The following SYNE2 variants were observed in gnomAD, a reference collection of about 807,000 sequenced individuals.
SYNE2 encodes the protein spectrin repeat containing nuclear envelope protein 2.
A neutral mutation model predicts 856.3 loss-of-function variants in SYNE2; 431 were observed. That is an observed-to-expected ratio of 0.50 (90% CI 0.47 to 0.55). SYNE2 has a LOEUF of 0.55. SYNE2 is among the 20% of genes least tolerant of loss of function. The pLI is 0.00. For synonymous variants in SYNE2, 2,923 were observed against 2,872.3 expected, an observed-to-expected ratio of 1.02 and a Z score of -0.56; for missense variants, 8,129 against 8,023.2, an observed-to-expected ratio of 1.01 and a Z score of -0.50.
intron 43 of SYNE2, 149 bp from the exon 44 acceptor site, chr14:64,029,746 C>A: frequency 1.0e-6 from 1 of 980,294 alleles, no homozygotes; most frequent in Non-Finnish European, 1.5e-6. Context: ...ATATCTCCAA[C>A]TCTAAAATCT....
chr14:64,078,758 T>G, intron 55 of SYNE2, 152 bp downstream of exon 55: 1 of 981,586 alleles, frequency 1.0e-6, no homozygotes, highest in East Asian at 2.5e-5. Context: ...AGAGGCTTGA[T>G]AGGGAAAGTT....
chr14:63,788,565 C>CT (rs1887624570), intron 1 of SYNE2, among the ~76,000 whole-genome samples: 2 of 152,278 alleles, frequency 1.3e-5, no homozygotes, highest in South Asian at 4.1e-4. Flanking sequence ...CTGCCTGCTC[C>CT]ATGGAGCAGG....
intron 54 of SYNE2, 32 bp from the exon 55 acceptor site, chr14:64,078,434 C>G (rs773012579): frequency 1.2e-6 from 2 of 1,611,974 alleles, no homozygotes; most frequent in African/African-American, 2.7e-5. Context: ...GACAACCTCT[C>G]TAAGCCAAAT....
At position 64,003,303 on chromosome 14, in the gene SYNE2, A is replaced by G; in HGVS notation, c.4370A>G (p.Asp1457Gly). The G allele has an allele frequency of 6.2e-7, 1 of 1,614,126 alleles. No homozygotes were observed. The highest frequency in any genetic ancestry group is 8.5e-7 in the Non-Finnish European group (1 of 1,180,018). The change falls in exon 30 of 116, where the codon GAT (aspartate) becomes GGT (glycine). Residue 1457 changes from aspartate (D) to glycine (G), a missense_variant. By Grantham distance (94) the Asp-to-Gly change is moderately conservative (BLOSUM62 -1). Transcript: ENST00000555002. ...CAAATCAGTAAAATTGGTCTTAAGGATCCTACTGTTCCAGCTGTGAAACAT... is the reference window on the plus strand; with the variant it reads ...CAAATCAGTAAAATTGGTCTTAAGGGTCCTACTGTTCCAGCTGTGAAACAT... ...QSQISKIGLK[D>G]PTVPAVKHRK...
At chr14:64,207,262 G>A (rs1429567750) in intron 100 of SYNE2, among the ~76,000 whole-genome samples, 1 of 152,180 alleles carries the variant, frequency 6.6e-6, no homozygotes, top group Non-Finnish European at 1.5e-5. Flanking sequence ...TCGGAATTGT[G>A]TATTTATATG....
At chr14:64,045,000 G>C (rs1409945066) in intron 45 of SYNE2, among the ~76,000 whole-genome samples, 1 of 152,096 alleles carries the variant, frequency 6.6e-6, no homozygotes, top group Non-Finnish European at 1.5e-5. Context: ...TGAATGTGCA[G>C]AGTAAAAATA....
At chr14:63,856,889 G>A (rs1310559288) in intron 1 of SYNE2, among the ~76,000 whole-genome samples, 4 of 151,626 alleles carry the variant, frequency 2.6e-5, no homozygotes, top group Non-Finnish European at 5.9e-5. Flanking sequence ...CTCCCACCCC[G>A]GCCTCCCAAG....
At chr14:64,014,932 TATATATATA>T (rs2096876775) in intron 32 of SYNE2, among the ~76,000 whole-genome samples, 2 of 1,058 alleles carry the variant, frequency 1.9e-3, no homozygotes, top group Non-Finnish European at 6.4e-3. Context: ...TAATTCCTTA[TATATATATA>T]TATATATATA....
At chr14:63,904,509 A>C (rs112503083) in intron 1 of SYNE2, among the ~76,000 whole-genome samples, 12 of 151,314 alleles carry the variant, frequency 7.9e-5, no homozygotes, top group Admixed American at 6.6e-5. Flanking sequence ...AGTAGTAGCC[A>C]TTCTGACTGG....
At chr14:63,826,350 A>G (rs1184618099) in intron 1 of SYNE2, among the ~76,000 whole-genome samples, 10 of 152,106 alleles carry the variant, frequency 6.6e-5, no homozygotes, top group Non-Finnish European at 1.5e-5. Flanking sequence ...GCCAGTCAGG[A>G]GTTGAGTGGC....
intron 97 of SYNE2, among the ~76,000 whole-genome samples, chr14:64,187,078 A>T (rs1269735548): frequency 1.3e-5 from 2 of 152,226 alleles, no homozygotes; most frequent in Non-Finnish European, 2.9e-5. Context: ...TGTAAGAGAA[A>T]TGATCAACTG....
rs186326319 is a variant in SYNE2 at position 63,930,587 on chromosome 14, G to A, written c.80-10027G>A. On this transcript the variant is annotated intron_variant, in intron 2 of 115. Transcript: ENST00000555002. ...CCTGCTCTCCTGCCCAGGCTGGAGC[G>A]TAGTGGTGCAATCATAGCTCACTGC... 4.0e-5 allele frequency among the ~76,000 whole-genome samples: 6 copies of A among 149,164 alleles called. No individual in the cohort carries two copies. In the East Asian group the frequency reaches 7.9e-4, roughly 20 times the overall value.
At chr14:64,076,933 AAC>A (rs1435935559) in intron 54 of SYNE2, among the ~76,000 whole-genome samples, 1 of 152,272 alleles carries the variant, frequency 6.6e-6, no homozygotes, top group South Asian at 2.1e-4. Context: ...TTTTTTAGTT[AAC>A]ACACAAGAAA....
intron 57 of SYNE2, among the ~76,000 whole-genome samples, chr14:64,082,373 AC>A (rs1165417239): frequency 6.6e-6 from 1 of 152,134 alleles, no homozygotes; most frequent in Admixed American, 6.5e-5. Context: ...TATAATACTT[AC>A]ATTCCAAAAT....
Position 64,225,357 on chromosome 14 carries a change from C to T in SYNE2, c.20555C>T (p.Ser6852Leu), listed in dbSNP as rs763200196. 2.4e-5 allele frequency: 39 copies of T among 1,614,182 alleles called. No individual in the cohort carries two copies. The highest frequency in any genetic ancestry group is 3.1e-5 in the Non-Finnish European group (36 of 1,180,032). The change falls in exon 116 of 116, where the codon TCA becomes TTA. Residue 6852 changes from serine (S) to leucine (L), a missense_variant. Around this residue, in one of 3 missense-constraint regions of SYNE2, gnomAD observed 5,410 missense variants for 5,284.8 expected, o/e 1.02. Transcript: ENST00000555002. ...GSTRPQRSFL[S>L]RVVRAALPLQ... ...ACACGGCCACAGCGCTCCTTCCTCT[C>T]AAGGGTGGTCCGGGCAGCCCTACCC...
Position 63,954,801 on chromosome 14 carries a change from C to T in SYNE2, c.673C>T (p.Pro225Ser). 1 of 1,613,920 alleles carries T rather than the reference C, an allele frequency of 6.2e-7. No homozygotes were observed. Among genetic ancestry groups the T allele is most frequent in the Non-Finnish European group, 8.5e-7 (1 of 1,179,976 alleles). The change falls in exon 8 of 116, where the codon CCA becomes TCA. Residue 225 changes from proline to serine, a missense_variant. This residue lies in a region of SYNE2 where 2,422 missense variants were observed against 2,357.4 expected (regional missense o/e 1.03). Coordinates refer to ENST00000555002, the MANE Select transcript of SYNE2 (RefSeq NM_182914.3). ...AFLAIIHALR[P>S]DLIDMKSVKH... Reference sequence around the variant, plus strand: ...TTTGGCCATCATTCATGCCTTGCGACCAGACCTAATTGACATGAAGAGTGT... The same window carrying T: ...TTTGGCCATCATTCATGCCTTGCGATCAGACCTAATTGACATGAAGAGTGT...
chr14:64,055,932 C>T lies in SYNE2; in HGVS notation c.9745-12C>T, dbSNP rs2153580429. On this transcript the variant is annotated splice_polypyrimidine_tract_variant and intron_variant, in intron 48 of 115. Coordinates refer to ENST00000555002, the MANE Select transcript of SYNE2 (RefSeq NM_182914.3). ...ACAATTTTGTCACAGCATTTAATCT[C>T]CTATTCACTAGAATGTCTTGAATGA... is the stretch of plus-strand genomic sequence containing the variant. The T allele has an allele frequency of 6.2e-7, 1 of 1,609,238 alleles. No homozygotes were observed. Among genetic ancestry groups the T allele is most frequent in the Non-Finnish European group, 8.5e-7 (1 of 1,176,070 alleles).
intron 49 of SYNE2, among the ~76,000 whole-genome samples, chr14:64,057,456 T>A (rs1225737632): frequency 1.1e-4 from 17 of 150,678 alleles, no homozygotes; most frequent in Admixed American, 9.9e-4. Flanking sequence ...CAGGATTTCA[T>A]TTTTTTTTAA....
intron 90 of SYNE2, chr14:64,166,788 C>A: frequency 4.5e-6 from 1 of 220,614 alleles, no homozygotes; most frequent in South Asian, 6.2e-5. Context: ...CAAAAATTAG[C>A]CAGGTGTGGT....
Sources: allele counts gnomAD v4.1 joint callset (sites outside exome capture counted in the v4.1 genomes callset), GRCh38; gene constraint gnomAD v4.1.1; regional missense constraint gnomAD v4.1.1; transcripts MANE v1.5; gene names NCBI Gene and HGNC (gene_info 2026-07-23, HGNC 2026-07-21).